Variants in BCHE observed in about 807,000 individuals in gnomAD.
BCHE encodes the protein cholinesterase.
In BCHE, 48 loss-of-function variants were observed where a neutral mutation model predicts 51.3. That is an observed-to-expected ratio of 0.94 (90% CI 0.74 to 1.19). BCHE has a LOEUF of 1.19. Among genes scored for constraint, BCHE ranks in the 50% most tolerant of loss-of-function variants. BCHE has a pLI of 0.00. For missense variants in BCHE, 847 were observed against 708.2 expected (o/e 1.20, Z -2.23); for synonymous variants, 251 against 238.0 (o/e 1.05, Z -0.50).
chr3:165,822,595 CA>C (rs1214275308), intron 2 of BCHE, among the ~76,000 whole-genome samples: 2 of 152,006 alleles, frequency 1.3e-5, no homozygotes, highest in Non-Finnish European at 2.9e-5. Flanking sequence ...CATTGGCTGT[CA>C]CACATGATCT....
At chr3:165,811,835 A>T (rs1395862648) in intron 2 of BCHE, among the ~76,000 whole-genome samples, 1 of 152,032 alleles carries the variant, frequency 6.6e-6, no homozygotes, top group Non-Finnish European at 1.5e-5. Flanking sequence ...GTAAATTTAG[A>T]GTGACAAGGT....
chr3:165,808,379 A>G (rs958668363), intron 2 of BCHE, among the ~76,000 whole-genome samples: 3 of 152,078 alleles, frequency 2.0e-5, no homozygotes, highest in South Asian at 2.1e-4. Context: ...TTCAAGATTT[A>G]TTTTAATATG....
chr3:165,809,287 T>A (rs1713988623), intron 2 of BCHE, among the ~76,000 whole-genome samples: 1 of 152,150 alleles, frequency 6.6e-6, no homozygotes, highest in African/African-American at 2.4e-5. Flanking sequence ...CGTATTTAAA[T>A]CCAAGTATAA....
intron 2 of BCHE, among the ~76,000 whole-genome samples, chr3:165,810,867 C>T: frequency 6.6e-6 from 1 of 152,070 alleles, no homozygotes; most frequent in South Asian, 2.1e-4. Flanking sequence ...CATGACATAT[C>T]CAGCTGATAA....
chr3:165,836,433 A>G (rs4599347), intron 1 of BCHE, among the ~76,000 whole-genome samples: 13,819 of 151,922 alleles, frequency 0.091, 952 homozygotes, highest in African/African-American at 0.19. Flanking sequence ...AAATATATTC[A>G]TAAAAATGTA....
At chr3:165,836,148 C>A (rs7648807) in intron 1 of BCHE, among the ~76,000 whole-genome samples, 101,060 of 151,480 alleles carry the variant, frequency 0.67, 34,669 homozygotes, top group East Asian at 0.8. Context: ...ACAACAACAA[C>A]AAAAAATTAG....
At chr3:165,813,124 G>A (rs747168320) in intron 2 of BCHE, among the ~76,000 whole-genome samples, 4 of 151,638 alleles carry the variant, frequency 2.6e-5, no homozygotes, top group African/African-American at 4.8e-5. Context: ...AGAGACTACT[G>A]TGGATTTAGC....
chr3:165,780,645 C>A (rs1712658706), intron 3 of BCHE, among the ~76,000 whole-genome samples: 2 of 151,896 alleles, frequency 1.3e-5, no homozygotes, highest in Non-Finnish European at 2.9e-5. Context: ...ATGTGGCCAA[C>A]AAATGTATGA....
chr3:165,796,275 A>C (rs997152588), intron 2 of BCHE, among the ~76,000 whole-genome samples: 4 of 152,304 alleles, frequency 2.6e-5, no homozygotes, highest in Admixed American at 1.3e-4. Flanking sequence ...ATAGCTTGAC[A>C]TCTGTTATCA....
chr3:165,774,459 G>A (rs1372185074), intron 3 of BCHE, among the ~76,000 whole-genome samples: 3 of 151,760 alleles, frequency 2.0e-5, no homozygotes, highest in Non-Finnish European at 4.4e-5. Flanking sequence ...TCAGACTCCC[G>A]AGTAGCTGGG....
At chr3:165,783,666 T>C (rs1712801465) in intron 3 of BCHE, among the ~76,000 whole-genome samples, 1 of 152,084 alleles carries the variant, frequency 6.6e-6, no homozygotes, top group African/African-American at 2.4e-5. Flanking sequence ...TTTTTCTTCA[T>C]TAGGATAATA....
intron 2 of BCHE, among the ~76,000 whole-genome samples, chr3:165,789,958 G>C (rs748604513): frequency 6.6e-6 from 1 of 152,042 alleles, no homozygotes; most frequent in African/African-American, 2.4e-5. Context: ...CAATAAATAA[G>C]ATCAATAAAG....
intron 1 of BCHE, among the ~76,000 whole-genome samples, chr3:165,836,326 A>G (rs1560025940): frequency 6.6e-6 from 1 of 152,006 alleles, no homozygotes; most frequent in Non-Finnish European, 1.5e-5. Context: ...ATATAAGTAA[A>G]CTGTCATTGT....
At chr3:165,777,126 A>G (rs1712502021) in intron 3 of BCHE, among the ~76,000 whole-genome samples, 1 of 151,936 alleles carries the variant, frequency 6.6e-6, no homozygotes, top group African/African-American at 2.4e-5. Flanking sequence ...TAAATCCTCA[A>G]TATTAATAAA....
chr3:165,818,643 C>T (rs1434051377), intron 2 of BCHE, among the ~76,000 whole-genome samples: 2 of 151,956 alleles, frequency 1.3e-5, no homozygotes, highest in African/African-American at 2.4e-5. Flanking sequence ...TTGGATCTTA[C>T]TGAAACATCT....
chr3:165,796,923 G>A (rs1713400801), intron 2 of BCHE, among the ~76,000 whole-genome samples: 1 of 152,016 alleles, frequency 6.6e-6, no homozygotes, highest in African/African-American at 2.4e-5. Context: ...GATGAACAAA[G>A]CTTTCATGGT....
intron 2 of BCHE, 97 bp downstream of exon 2, chr3:165,829,420 C>G: frequency 9.3e-7 from 1 of 1,077,388 alleles, no homozygotes; most frequent in Non-Finnish European, 1.4e-6. Context: ...TAAAACATTT[C>G]TGTGTCTTTA....
At chr3:165,837,096 TTAAA>T (rs1325729855) in intron 1 of BCHE, among the ~76,000 whole-genome samples, 1 of 152,128 alleles carries the variant, frequency 6.6e-6, no homozygotes, top group African/African-American at 2.4e-5. Context: ...TTCTCAGCAG[TTAAA>T]TAAACAAAGT....
At chr3:165,816,912 A>G (rs944490059) in intron 2 of BCHE, among the ~76,000 whole-genome samples, 2 of 152,038 alleles carry the variant, frequency 1.3e-5, no homozygotes, top group African/African-American at 4.8e-5. Flanking sequence ...TAGATACCAA[A>G]TTTATAGCCC....
Sources: gnomAD v4.1 joint callset for allele counts (sites outside exome capture counted in the v4.1 genomes callset) on GRCh38, gnomAD v4.1.1 for gene constraint, MANE v1.5 for transcripts, NCBI Gene and HGNC (gene_info 2026-07-23, HGNC 2026-07-21) for gene names.